TMEM117: variants seen among roughly 807,000 people sequenced by gnomAD.
The protein encoded by TMEM117 is transmembrane protein 117.
In TMEM117, 27 loss-of-function variants were observed where a neutral mutation model predicts 52.4. That is an observed-to-expected ratio of 0.51 (90% CI 0.38 to 0.71). The LOEUF (loss-of-function observed/expected upper bound fraction) is 0.71. TMEM117 is among the 30% of genes least tolerant of loss of function. The probability of loss-of-function intolerance (pLI) is 0.00; values close to 1 mark genes in which losing one functional copy is unlikely to be tolerated. For missense variants in TMEM117, 556 were observed against 630.5 expected, an observed-to-expected ratio of 0.88 and a Z score of 1.26; for synonymous variants, 215 against 206.3, an observed-to-expected ratio of 1.04 and a Z score of -0.36.
intron 3 of TMEM117, among the ~76,000 whole-genome samples, chr12:43,970,114 T>C (rs1472784711): frequency 3.3e-5 from 5 of 152,060 alleles, no homozygotes; most frequent in Non-Finnish European, 7.4e-5. Context: ...CATATCCACA[T>C]TGGATATGCA....
At chr12:44,229,551 C>T (rs1949907399) in intron 5 of TMEM117, among the ~76,000 whole-genome samples, 2 of 152,090 alleles carry the variant, frequency 1.3e-5, no homozygotes, top group Non-Finnish European at 2.9e-5. Flanking sequence ...GTGCATTGCC[C>T]AGGGATTTTG....
intron 5 of TMEM117, among the ~76,000 whole-genome samples, chr12:44,285,259 C>T (rs1187800144): frequency 1.3e-5 from 2 of 152,118 alleles, no homozygotes; most frequent in Non-Finnish European, 2.9e-5. Context: ...CTGCTGTGCT[C>T]AGGGTTCTTT....
At chr12:44,310,966 G>T (rs1344234019) in intron 6 of TMEM117, among the ~76,000 whole-genome samples, 1 of 152,056 alleles carries the variant, frequency 6.6e-6, no homozygotes, top group African/African-American at 2.4e-5. Flanking sequence ...GTTTGCTATT[G>T]CTTTGATCAG....
chr12:44,072,107 T>TATC (rs1489379410), intron 3 of TMEM117, among the ~76,000 whole-genome samples: 1 of 152,188 alleles, frequency 6.6e-6, no homozygotes. Context: ...ATAAACAAGT[T>TATC]ATCTCCAATG....
Position 44,021,422 on chromosome 12 carries a change from G to T in TMEM117, c.410+77080G>T, listed in dbSNP as rs994222499. Among the ~76,000 whole-genome samples, 38 of 152,166 alleles carry T rather than the reference G, an allele frequency of 2.5e-4. 1 individual carries two copies. The highest frequency in any genetic ancestry group is 8.7e-4 in the African/African-American group (36 of 41,446). On this transcript the variant is annotated intron_variant, in intron 3 of 7. Transcript: ENST00000266534. ...GATAATAGCCTCCAGCCTCATCCAT[G>T]TTCCTGTGTATAGTGTTATAGAACG...
At chr12:44,224,345 A>G (rs1949830828) in intron 5 of TMEM117, among the ~76,000 whole-genome samples, 1 of 152,220 alleles carries the variant, frequency 6.6e-6, no homozygotes, top group African/African-American at 2.4e-5. Flanking sequence ...CCCAAAATAT[A>G]CAAGTTCTTT....
intron 2 of TMEM117, among the ~76,000 whole-genome samples, chr12:43,939,186 C>T (rs935276836): frequency 6.6e-6 from 1 of 152,108 alleles, no homozygotes; most frequent in African/African-American, 2.4e-5. Flanking sequence ...TATCTTTTGA[C>T]TCCAACAAAC....
At chr12:43,797,159 C>CA in the TMEM117 span, 27 of 1,498,012 alleles carry the variant, frequency 1.8e-5, no homozygotes, top group East Asian at 4.6e-4. Flanking sequence ...CATAAAACTA[C>CA]ATATATAAAC....
chr12:43,874,680 A>G (rs1156787099), intron 2 of TMEM117, among the ~76,000 whole-genome samples: 1 of 152,216 alleles, frequency 6.6e-6, no homozygotes, highest in Non-Finnish European at 1.5e-5. Context: ...TAGTCTACAC[A>G]GGTTCTAGGA....
At chr12:44,312,438 AT>A (rs556041457) in intron 6 of TMEM117, among the ~76,000 whole-genome samples, 4 of 150,822 alleles carry the variant, frequency 2.7e-5, no homozygotes, top group South Asian at 4.2e-4. Context: ...AAAGGACATG[AT>A]TTTTTCTTTT....
intron 4 of TMEM117, among the ~76,000 whole-genome samples, chr12:44,174,144 A>G (rs1012996412): frequency 1.4e-4 from 22 of 152,206 alleles, no homozygotes; most frequent in Non-Finnish European, 2.9e-4. Flanking sequence ...TAATCTAAGC[A>G]TATTATAGAA....
chr12:44,028,453 C>A (rs925670337), intron 3 of TMEM117, among the ~76,000 whole-genome samples: 3 of 152,134 alleles, frequency 2.0e-5, no homozygotes, highest in Non-Finnish European at 4.4e-5. Flanking sequence ...ACGATGAGAT[C>A]AAAGGTCAGC....
At chr12:43,843,925 CA>C (rs1460713810) in intron 1 of TMEM117, among the ~76,000 whole-genome samples, 1 of 152,182 alleles carries the variant, frequency 6.6e-6, no homozygotes, top group Non-Finnish European at 1.5e-5. Flanking sequence ...GTAATTACAC[CA>C]AATTCATAAG....
At chr12:44,169,311 A>G (rs1949012463) in intron 4 of TMEM117, among the ~76,000 whole-genome samples, 2 of 152,336 alleles carry the variant, frequency 1.3e-5, no homozygotes, top group East Asian at 3.9e-4. Context: ...GCTACCAGCA[A>G]TGCACAAGGA....
intron 5 of TMEM117, among the ~76,000 whole-genome samples, chr12:44,275,484 A>G (rs950969549): frequency 1.3e-5 from 2 of 151,920 alleles, no homozygotes; most frequent in Non-Finnish European, 2.9e-5. Context: ...TATCAAAGAT[A>G]TATCTGCAGT....
chr12:44,103,671 A>G (rs1395461602), intron 3 of TMEM117, among the ~76,000 whole-genome samples: 1 of 151,970 alleles, frequency 6.6e-6, no homozygotes, highest in Non-Finnish European at 1.5e-5. Context: ...GAAACTTTGC[A>G]TGCTGATGGA....
chr12:44,235,181 G>A lies in TMEM117; in HGVS notation c.608+23794G>A, dbSNP rs1431449703. Among the ~76,000 whole-genome samples, 6 of 148,468 alleles carry A rather than the reference G, an allele frequency of 4.0e-5. No homozygotes were observed. The South Asian group carries it at 6.2e-4, about 15-fold the overall frequency. ...TTGTCATTTTGAAGTGATTCTCTTC[G>A]TACTCTCTCTAGATATATTTTTTTG... On this transcript the variant is annotated intron_variant, in intron 5 of 7. Transcript: ENST00000266534.
chr12:44,131,901 T>A (rs1477069719), intron 3 of TMEM117, among the ~76,000 whole-genome samples: 1 of 152,202 alleles, frequency 6.6e-6, no homozygotes, highest in Non-Finnish European at 1.5e-5. Context: ...ATCTTTATTC[T>A]GTTCTCACTT....
At chr12:44,068,055 C>T (rs1046031784) in intron 3 of TMEM117, among the ~76,000 whole-genome samples, 19 of 152,194 alleles carry the variant, frequency 1.2e-4, no homozygotes, top group African/African-American at 4.6e-4. Flanking sequence ...TTTCCTTAAA[C>T]TGCATGATCC....
Sources: allele counts gnomAD v4.1 joint callset (sites outside exome capture counted in the v4.1 genomes callset), GRCh38; gene constraint gnomAD v4.1.1; transcripts MANE v1.5; gene names NCBI Gene and HGNC (gene_info 2026-07-23, HGNC 2026-07-21).